Variants in KRTAP10-5 observed in about 807,000 individuals in gnomAD.
The protein encoded by KRTAP10-5 is keratin associated protein 10-5.
For synonymous variants in KRTAP10-5, 157 were observed against 151.9 expected, an observed-to-expected ratio of 1.03 and a Z score of -0.25; for missense variants, 370 against 351.2, an observed-to-expected ratio of 1.05 and a Z score of -0.43.
In KRTAP10-5 at chr21:44,580,484, C is replaced by G; in HGVS notation, c.95G>C (p.Gly32Ala). 3 of 1,613,192 alleles carry G rather than the reference C, an allele frequency of 1.9e-6. No individual in the cohort carries two copies. Among genetic ancestry groups the G allele is most frequent in the South Asian group, 1.1e-5 (1 of 91,008 alleles). Residue 32 changes from glycine (G) to alanine (A), a missense_variant, in exon 1 of 1, where the codon GGC becomes GCC. By Grantham distance (60) the Gly-to-Ala change is moderately conservative. Transcript: ENST00000400372. ...GACCAGGGTCAGGCAGGGGGCGGTG[C>G]CGCAGGGGGGCTCACAGCAGCTCTC... is the stretch of plus-strand genomic sequence containing the variant. Reference protein sequence around the residue: ...CPESCCEPPCGTAPCLTLVCT... With the variant: ...CPESCCEPPCATAPCLTLVCT...
rs1978787701 is a variant in KRTAP10-5 at position 44,579,900 on chromosome 21, G to T, written c.679C>A (p.Pro227Thr). Residue 227 changes from proline to threonine, a missense_variant, in exon 1 of 1, where the codon CCC becomes ACC. Transcript: ENST00000400372. ...AGGCAGCAGGCGGGCCTGCATATGGGGCGGCAGAGGAGGGACACGGAGGAG... is the reference window on the plus strand; with the variant it reads ...AGGCAGCAGGCGGGCCTGCATATGGTGCGGCAGAGGAGGGACACGGAGGAG... ...PSSSVSLLCR[P>T]ICRPACCLPI... is the part of the protein sequence containing the mutation. 6.2e-7 allele frequency: 1 copy of T among 1,613,028 alleles called. No homozygotes were observed. The highest frequency in any genetic ancestry group is 8.5e-7 in the Non-Finnish European group (1 of 1,179,298).
chr21:44,580,099 C>T lies in KRTAP10-5; in HGVS notation c.480G>A (p.Pro160=), dbSNP rs587670972. The change falls in exon 1 of 1, where the codon CCG becomes CCA. Residue 160 remains proline, a synonymous_variant. Transcript: ENST00000400372. ...GGCAGGGGGAGGAGGTGCAGCAAGT[C>T]GGCTGGCAGCTAGAATGCTGGCAGC... ...SSCCQHSSCQ[P]TCCTSSPCQQ... The T allele has an allele frequency of 1.3e-4, 206 of 1,613,050 alleles. No individual in the cohort carries two copies. The highest frequency in any genetic ancestry group is 1.6e-4 in the Non-Finnish European group (185 of 1,179,812).
At position 44,580,583 on chromosome 21, in the gene KRTAP10-5, G is replaced by A; in HGVS notation, c.-5C>T. 6.2e-7 allele frequency: 1 copy of A among 1,604,684 alleles called. No individual in the cohort carries two copies. The highest frequency in any genetic ancestry group is 8.5e-7 in the Non-Finnish European group (1 of 1,175,464). ...GGACATGGTGCACGCGGCCATGCTGGGGTGGGGAAGACGTGAGCTGGGAGC... is the reference window on the plus strand; with the variant it reads ...GGACATGGTGCACGCGGCCATGCTGAGGTGGGGAAGACGTGAGCTGGGAGC... On this transcript the variant is annotated 5_prime_UTR_variant, in exon 1 of 1. Transcript: ENST00000400372.
At position 44,580,013 on chromosome 21, in the gene KRTAP10-5, A is replaced by G. The variant is rs782020390; in HGVS notation, c.566T>C (p.Val189Ala). 7 of 1,595,044 alleles carry G rather than the reference A, an allele frequency of 4.4e-6. No individual in the cohort carries two copies. In the East Asian group the frequency reaches 1.6e-4, roughly 36 times the overall value. Residue 189 changes from valine to alanine, a missense_variant, in exon 1 of 1, where the codon GTG becomes GCG. By Grantham distance (64) the Val-to-Ala change is moderately conservative. Transcript: ENST00000400372. Reference sequence around the variant, plus strand: ...AGTGGAAGCCCCAGAGCAGACGGGCACACAGCAGATGGGTTTGCAGCAGAC... The same window carrying G: ...AGTGGAAGCCCCAGAGCAGACGGGCGCACAGCAGATGGGTTTGCAGCAGAC... ...KPVCCKPICC[V>A]PVCSGASTSC...
rs781995099 is a variant in KRTAP10-5, at chr21:44,579,885, C to T, written c.694G>A (p.Ala232Thr). 56 of 1,599,404 alleles carry T rather than the reference C, an allele frequency of 3.5e-5. No homozygotes were observed. The highest frequency in any genetic ancestry group is 1.1e-4 in the South Asian group (10 of 90,088). The change falls in exon 1 of 1, where the codon GCC becomes ACC. Residue 232 changes from alanine to threonine, a missense_variant. Ala to Thr is a moderately conservative substitution (Grantham distance 58). Transcript: ENST00000400372. ...CAGGAGGAGATGGGCAGGCAGCAGG[C>T]GGGCCTGCATATGGGGCGGCAGAGG... ...SLLCRPICRP[A>T]CCLPISSCCA...
At position 44,580,474 on chromosome 21, in the gene KRTAP10-5, G is replaced by A. The variant is rs1555924924; in HGVS notation, c.105C>T (p.Pro35=). ...SCCEPPCGTA[P]CLTLVCTPVS... Reference sequence around the variant, plus strand: ...CTGGGGTGCAGACCAGGGTCAGGCAGGGGGCGGTGCCGCAGGGGGGCTCAC... The same window carrying A: ...CTGGGGTGCAGACCAGGGTCAGGCAAGGGGCGGTGCCGCAGGGGGGCTCAC... Residue 35 remains proline, a synonymous_variant, in exon 1 of 1, where the codon CCC becomes CCT. Coordinates refer to ENST00000400372, the MANE Select transcript of KRTAP10-5 (RefSeq NM_198694.3). The A allele has an allele frequency of 1.2e-6, 2 of 1,613,190 alleles. No homozygotes were observed. The highest frequency in any genetic ancestry group is 1.1e-5 in the South Asian group (1 of 91,024).
Position 44,579,855 on chromosome 21 carries a change from C to A in KRTAP10-5, c.724G>T (p.Ala242Ser), listed in dbSNP as rs782686616. 3 of 1,596,542 alleles carry A rather than the reference C, an allele frequency of 1.9e-6. No individual in the cohort carries two copies. The highest frequency in any genetic ancestry group is 3.4e-5 in the Admixed American group (2 of 58,480). Residue 242 changes from alanine to serine, a missense_variant, in exon 1 of 1, where the codon GCC becomes TCC. Physicochemically the swap from Ala to Ser is moderately conservative, Grantham distance 99. Coordinates refer to ENST00000400372, the MANE Select transcript of KRTAP10-5 (RefSeq NM_198694.3). ...CTGGCCTGGTAGGAGGAGGCAGGGG[C>A]ACAGCAGGAGGAGATGGGCAGGCAG... ...ACCLPISSCC[A>S]PASSYQASCC...
rs1555924523 is a variant in KRTAP10-5 at position 44,579,721 on chromosome 21, A to T, written c.*42T>A. On this transcript the variant is annotated 3_prime_UTR_variant, in exon 1 of 1. Coordinates refer to ENST00000400372, the MANE Select transcript of KRTAP10-5 (RefSeq NM_198694.3). ...AGTCAGGACCAGTTGGCCCTGGGGGATGTGCACATCAGCAACTGGACTCCT... is the reference window on the plus strand; with the variant it reads ...AGTCAGGACCAGTTGGCCCTGGGGGTTGTGCACATCAGCAACTGGACTCCT... 2 of 1,585,260 alleles carry T rather than the reference A, an allele frequency of 1.3e-6. No homozygotes were observed. The highest frequency in any genetic ancestry group is 1.7e-5 in the Admixed American group (1 of 58,658).
rs587684790 is a variant in KRTAP10-5, at chr21:44,579,775, G to A, written c.804C>T (p.Pro268=). The part of the protein sequence containing the change: ...VSLLCRPACS[P]LAC ...CTGAGCAGAGGCCTCAGCAGGCCAG[G>A]GGGGAGCACGCGGGGCGGCAGAGGA... Residue 268 remains proline (P), a synonymous_variant, in exon 1 of 1, where the codon CCC becomes CCT. Coordinates refer to ENST00000400372, the MANE Select transcript of KRTAP10-5 (RefSeq NM_198694.3). The A allele has an allele frequency of 1.7e-5, 27 of 1,611,560 alleles. No individual in the cohort carries two copies. In the African/African-American group the frequency reaches 2.5e-4, roughly 15 times the overall value.
At position 44,580,232 on chromosome 21, in the gene KRTAP10-5, C is replaced by T; in HGVS notation, c.347G>A (p.Cys116Tyr). The change falls in exon 1 of 1, where the codon TGC (cysteine) becomes TAC (tyrosine). Residue 116 changes from cysteine (C) to tyrosine (Y), a missense_variant. Cys to Tyr is a radical substitution (Grantham distance 194). Transcript: ENST00000400372. ...DSSSCCQQSS[C>Y]QPTCCASSSC... ...GGAAGAGGCACAGCAAGTTGGCTGGCAGCTAGACTGCTGGCAGCATGAAGA... is the reference window on the plus strand; with the variant it reads ...GGAAGAGGCACAGCAAGTTGGCTGGTAGCTAGACTGCTGGCAGCATGAAGA... The T allele has an allele frequency of 6.2e-7, 1 of 1,613,988 alleles. No individual in the cohort carries two copies. Among genetic ancestry groups the T allele is most frequent in the African/African-American group, 1.3e-5 (1 of 74,966 alleles).
Position 44,579,544 on chromosome 21 carries a change from G to A in KRTAP10-5, c.*219C>T. The A allele has an allele frequency of 1.6e-6, 1 of 617,028 alleles. No individual in the cohort carries two copies. The highest frequency in any genetic ancestry group is 2.8e-6 in the Non-Finnish European group (1 of 356,066). 38.2% of individuals were successfully genotyped at this position (617,028 alleles called of 1,614,324 possible). ...AAGTGACATGGGGCAGAGAAGCTGG[G>A]AGGGAGGACAGGGGACCCAACAGGC... On this transcript the variant is annotated 3_prime_UTR_variant, in exon 1 of 1. Coordinates refer to ENST00000400372, the MANE Select transcript of KRTAP10-5 (RefSeq NM_198694.3).
chr21:44,580,220 C>T lies in KRTAP10-5; in HGVS notation c.359G>A (p.Cys120Tyr). 6.2e-7 allele frequency: 1 copy of T among 1,614,036 alleles called. No homozygotes were observed. The highest frequency in any genetic ancestry group is 8.5e-7 in the Non-Finnish European group (1 of 1,179,984). The change falls in exon 1 of 1, where the codon TGC (cysteine) becomes TAC (tyrosine). Residue 120 changes from cysteine (C) to tyrosine (Y), a missense_variant. Coordinates refer to ENST00000400372, the MANE Select transcript of KRTAP10-5 (RefSeq NM_198694.3). ...CTGCTGGCAGGAGGAAGAGGCACAGCAAGTTGGCTGGCAGCTAGACTGCTG... is the reference window on the plus strand; with the variant it reads ...CTGCTGGCAGGAGGAAGAGGCACAGTAAGTTGGCTGGCAGCTAGACTGCTG... ...CCQQSSCQPT[C>Y]CASSSCQQSC... is the part of the protein sequence containing the mutation.
chr21:44,580,014 C>T lies in KRTAP10-5; in HGVS notation c.565G>A (p.Val189Met). 3 of 1,595,044 alleles carry T rather than the reference C, an allele frequency of 1.9e-6. No homozygotes were observed. Among genetic ancestry groups the T allele is most frequent in the East Asian group, 2.3e-5 (1 of 43,674 alleles). Residue 189 changes from valine (V) to methionine (M), a missense_variant, in exon 1 of 1, where the codon GTG becomes ATG. Physicochemically the swap from Val to Met is conservative, Grantham distance 21 (BLOSUM62 1). Transcript: ENST00000400372. ...GTGGAAGCCCCAGAGCAGACGGGCA[C>T]ACAGCAGATGGGTTTGCAGCAGACA... ...KPVCCKPICC[V>M]PVCSGASTSC...
In KRTAP10-5 at chr21:44,580,497, C is replaced by T; in HGVS notation, c.82G>A (p.Glu28Lys). The change falls in exon 1 of 1, where the codon GAG becomes AAG. Residue 28 changes from glutamate to lysine, a missense_variant. Physicochemically the swap from Glu to Lys is moderately conservative, Grantham distance 56 (BLOSUM62 1). Transcript: ENST00000400372. ...RVDDCPESCC[E>K]PPCGTAPCLT... ...CAGGGGGCGGTGCCGCAGGGGGGCT[C>T]ACAGCAGCTCTCTGGGCAGTCGTCC... is the stretch of plus-strand genomic sequence containing the variant. 2 of 1,613,520 alleles carry T rather than the reference C, an allele frequency of 1.2e-6. No homozygotes were observed. The highest frequency in any genetic ancestry group is 1.7e-6 in the Non-Finnish European group (2 of 1,179,954).
At position 44,579,674 on chromosome 21, in the gene KRTAP10-5, G is replaced by T; in HGVS notation, c.*89C>A. ...TCAGCACATGGGGGCCCCGTCCCAA[G>T]CGGGGGCAACCTCCTAACCCGAGTC... On this transcript the variant is annotated 3_prime_UTR_variant, in exon 1 of 1. Transcript: ENST00000400372. 1 of 1,519,048 alleles carries T rather than the reference G, an allele frequency of 6.6e-7. No homozygotes were observed. The allele number at this position is 1,519,048 out of a possible 1,614,324, so 94.1% of individuals were successfully genotyped here.
At position 44,580,579 on chromosome 21, in the gene KRTAP10-5, G is replaced by A. The variant is rs372266091; in HGVS notation, c.-1C>T. 1.9e-5 allele frequency: 30 copies of A among 1,605,954 alleles called. No homozygotes were observed. Among genetic ancestry groups the A allele is most frequent in the Non-Finnish European group, 2.5e-5 (29 of 1,176,098 alleles). On this transcript the variant is annotated 5_prime_UTR_variant, in exon 1 of 1. Coordinates refer to ENST00000400372, the MANE Select transcript of KRTAP10-5 (RefSeq NM_198694.3). Reference sequence around the variant, plus strand: ...AGACGGACATGGTGCACGCGGCCATGCTGGGGTGGGGAAGACGTGAGCTGG... The same window carrying A: ...AGACGGACATGGTGCACGCGGCCATACTGGGGTGGGGAAGACGTGAGCTGG...
chr21:44,580,537 A>G lies in KRTAP10-5; in HGVS notation c.42T>C (p.Ser14=), dbSNP rs5017209. Reference sequence around the variant, plus strand: ...GGCAGTCGTCCACTCGCCAGGAGTCAGAGCAAGCGCTGGAGCAGACGGACA... The same window carrying G: ...GGCAGTCGTCCACTCGCCAGGAGTCGGAGCAAGCGCTGGAGCAGACGGACA... The part of the protein sequence containing the change: ...CTMSVCSSAC[S]DSWRVDDCPE... Residue 14 remains serine, a synonymous_variant, in exon 1 of 1, where the codon TCT becomes TCC. Transcript: ENST00000400372. 7.1e-3 allele frequency: 11,499 copies of G among 1,613,710 alleles called. 461 individuals carry two copies. The African/African-American group carries it at 0.099, about 14-fold the overall frequency.
In KRTAP10-5 at chr21:44,580,195, C is replaced by T. The variant is rs782386606; in HGVS notation, c.384G>A (p.Gln128=). The T allele has an allele frequency of 6.2e-7, 1 of 1,614,002 alleles. No individual in the cohort carries two copies. Among genetic ancestry groups the T allele is most frequent in the Non-Finnish European group, 8.5e-7 (1 of 1,179,982 alleles). Residue 128 remains glutamine (Q), a synonymous_variant, in exon 1 of 1, where the codon CAG becomes CAA. Coordinates refer to ENST00000400372, the MANE Select transcript of KRTAP10-5 (RefSeq NM_198694.3). ...TGCAGCAGACAGGCACACAGCAGGACTGCTGGCAGGAGGAAGAGGCACAGC... is the reference window on the plus strand; with the variant it reads ...TGCAGCAGACAGGCACACAGCAGGATTGCTGGCAGGAGGAAGAGGCACAGC... ...PTCCASSSCQ[Q]SCCVPVCCKP...
chr21:44,580,516 G>A lies in KRTAP10-5; in HGVS notation c.63C>T (p.Asp21=). 1 of 1,613,732 alleles carries A rather than the reference G, an allele frequency of 6.2e-7. No individual in the cohort carries two copies. The highest frequency in any genetic ancestry group is 1.1e-5 in the South Asian group (1 of 91,052). The change falls in exon 1 of 1, where the codon GAC becomes GAT. Residue 21 remains aspartate, a synonymous_variant. Transcript: ENST00000400372. ...GGGGCTCACAGCAGCTCTCTGGGCAGTCGTCCACTCGCCAGGAGTCAGAGC... is the reference window on the plus strand; with the variant it reads ...GGGGCTCACAGCAGCTCTCTGGGCAATCGTCCACTCGCCAGGAGTCAGAGC... ...SACSDSWRVD[D]CPESCCEPPC... is the part of the protein sequence containing the mutation.
Sources: gnomAD v4.1 joint callset for allele counts on GRCh38, gnomAD v4.1.1 for gene constraint, MANE v1.5 for transcripts, NCBI Gene and HGNC (gene_info 2026-07-23, HGNC 2026-07-21) for gene names.